ARHGAP15: variants seen among roughly 807,000 people sequenced by gnomAD.
ARHGAP15 encodes Rho GTPase activating protein 15.
ARHGAP15 carries 51 observed loss-of-function variants against 63.7 expected under a neutral mutation model. The ratio of observed to expected loss-of-function variants is 0.80; its 90% confidence interval spans 0.64 to 1.01. The LOEUF (loss-of-function observed/expected upper bound fraction) is 1.01. ARHGAP15 is among the 50% of genes least tolerant of loss of function. The pLI, the probability that ARHGAP15 is intolerant of heterozygous loss-of-function variation, is 0.00. For missense variants in ARHGAP15, 560 were observed against 564.6 expected (o/e 0.99, Z 0.08); for synonymous variants, 191 against 193.8 (o/e 0.99, Z 0.12).
At chr2:143,143,015 T>C (rs1012318292) in intron 1 of ARHGAP15, among the ~76,000 whole-genome samples, 1 of 152,152 alleles carries the variant, frequency 6.6e-6, no homozygotes, top group Non-Finnish European at 1.5e-5. Flanking sequence ...TATATTTCAC[T>C]TTGTGAAGCA....
chr2:143,211,460 ACAAGATTAACAG>A (rs879537979), intron 3 of ARHGAP15, among the ~76,000 whole-genome samples: 2 of 152,106 alleles, frequency 1.3e-5, no homozygotes, highest in Non-Finnish European at 2.9e-5. Flanking sequence ...ATTGAAACAG[ACAAGATTAACAG>A]CAAAGTACTA....
chr2:143,587,177 T>C (rs1697140376), intron 11 of ARHGAP15, among the ~76,000 whole-genome samples: 1 of 152,182 alleles, frequency 6.6e-6, no homozygotes, highest in Non-Finnish European at 1.5e-5. Context: ...AATCAGATTG[T>C]CAGATATTAC....
At chr2:143,144,152 T>C (rs1171053825) in intron 1 of ARHGAP15, among the ~76,000 whole-genome samples, 1 of 152,066 alleles carries the variant, frequency 6.6e-6, no homozygotes. Context: ...CATTTTCTTA[T>C]CCAGTCTATT....
rs1278861506 is a variant in ARHGAP15 at position 143,334,924 on chromosome 2, A to G, written c.474+84324A>G. On this transcript the variant is annotated intron_variant, in intron 6 of 13. Transcript: ENST00000295095. ...AATTGCTTCAGATCTCGACTTTGCT[A>G]TGCACATACTACTGTAAGTAAAAGG... Among the ~76,000 whole-genome samples the G allele has an allele frequency of 8.5e-5, 13 of 152,174 alleles. 1 individual carries two copies.
chr2:143,539,292 A>G (rs1694931440), intron 10 of ARHGAP15, among the ~76,000 whole-genome samples: 1 of 152,088 alleles, frequency 6.6e-6, no homozygotes, highest in South Asian at 2.1e-4. Context: ...TAGTCTTGCT[A>G]GCGGTCTATC....
intron 13 of ARHGAP15, among the ~76,000 whole-genome samples, chr2:143,762,474 C>T (rs566896020): frequency 1.1e-4 from 17 of 152,208 alleles, no homozygotes; most frequent in East Asian, 1.9e-4. Flanking sequence ...TGGAACTAGC[C>T]GGAATGACCA....
rs575298434 is a variant in ARHGAP15 at position 143,134,783 on chromosome 2, T to C, written c.-15+5317T>C. 2.9e-4 allele frequency among the ~76,000 whole-genome samples: 41 copies of C among 141,392 alleles called. No individual in the cohort carries two copies. The South Asian group carries it at 3.2e-3, about 11-fold the overall frequency. 92.8% of individuals were successfully genotyped at this position (141,392 alleles called of 152,430 possible). A position where few individuals can be genotyped will look rare whatever the true frequency, so the allele number is the denominator to read the frequency against. On this transcript the variant is annotated intron_variant, in intron 1 of 13. Transcript: ENST00000295095. ...CTGAGTAGCTGGGACTACAGGTGCC[T>C]GCCACCAAGCCCAGCTAATTTTTTT...
At chr2:143,336,253 G>A (rs1427683102) in intron 6 of ARHGAP15, among the ~76,000 whole-genome samples, 2 of 152,210 alleles carry the variant, frequency 1.3e-5, no homozygotes, top group East Asian at 1.9e-4. Flanking sequence ...CACAAACTTG[G>A]ATGTTTTTCC....
chr2:143,322,675 C>G (rs72993784), intron 6 of ARHGAP15, among the ~76,000 whole-genome samples: 1 of 152,102 alleles, frequency 6.6e-6, no homozygotes, highest in Non-Finnish European at 1.5e-5. Flanking sequence ...TCAGCATTAC[C>G]GTGGATAGAA....
intron 10 of ARHGAP15, among the ~76,000 whole-genome samples, chr2:143,521,344 G>A (rs922654925): frequency 6.6e-6 from 1 of 152,082 alleles, no homozygotes; most frequent in African/African-American, 2.4e-5. Flanking sequence ...GTGTACTTTT[G>A]ATTATAATTT....
At chr2:143,632,349 A>G (rs1341475730) in intron 12 of ARHGAP15, among the ~76,000 whole-genome samples, 1 of 152,040 alleles carries the variant, frequency 6.6e-6, no homozygotes, top group Non-Finnish European at 1.5e-5. Flanking sequence ...TTGTGTTCAT[A>G]TATATATACA....
chr2:143,145,048 T>C (rs946548833), intron 1 of ARHGAP15, among the ~76,000 whole-genome samples: 1 of 152,084 alleles, frequency 6.6e-6, no homozygotes, highest in African/African-American at 2.4e-5. Context: ...TTCAGCTAAG[T>C]CTGCATATTT....
rs994535347 is a variant in ARHGAP15 at position 143,477,626 on chromosome 2, G to A, written c.704-9747G>A. ...TGGCATAGCTTGAATAAGATACAAC[G>A]TTAAGTGACAGAGTTGGAATTCAAA... On this transcript the variant is annotated intron_variant, in intron 8 of 13. Coordinates refer to ENST00000295095, the MANE Select transcript of ARHGAP15 (RefSeq NM_018460.4). Among the ~76,000 whole-genome samples, 10 of 151,462 alleles carry A rather than the reference G, an allele frequency of 6.6e-5. 1 individual carries two copies. Among genetic ancestry groups the A allele is most frequent in the African/African-American group, 2.2e-4 (9 of 41,140 alleles).
chr2:143,250,750 G>A, intron 6 of ARHGAP15, 150 bp downstream of exon 6: 2 of 621,496 alleles, frequency 3.2e-6, no homozygotes, highest in South Asian at 4.4e-5. Flanking sequence ...CTTCCCAGTT[G>A]AATCTTTGGT....
At chr2:143,532,455 A>G (rs1694561956) in intron 10 of ARHGAP15, among the ~76,000 whole-genome samples, 1 of 152,128 alleles carries the variant, frequency 6.6e-6, no homozygotes, top group Admixed American at 6.6e-5. Flanking sequence ...TTCTTTTCCC[A>G]CCAGTAAGGT....
At chr2:143,164,744 T>C (rs1184574683) in intron 2 of ARHGAP15, among the ~76,000 whole-genome samples, 2 of 152,024 alleles carry the variant, frequency 1.3e-5, no homozygotes, top group South Asian at 2.1e-4. Context: ...TATTACTACA[T>C]TGCATGCTTT....
intron 1 of ARHGAP15, among the ~76,000 whole-genome samples, chr2:143,139,969 A>T (rs1231471809): frequency 1.3e-5 from 2 of 152,176 alleles, no homozygotes; most frequent in East Asian, 3.9e-4. Context: ...ATATAAAATG[A>T]TGTATGTAAA....
At chr2:143,280,653 A>G (rs960617692) in intron 6 of ARHGAP15, among the ~76,000 whole-genome samples, 11 of 152,072 alleles carry the variant, frequency 7.2e-5, no homozygotes, top group Non-Finnish European at 1.2e-4. Flanking sequence ...CATTCATCAA[A>G]ATGTATTATC....
At chr2:143,374,742 A>G (rs1315776120) in intron 6 of ARHGAP15, among the ~76,000 whole-genome samples, 1 of 152,080 alleles carries the variant, frequency 6.6e-6, no homozygotes, top group Non-Finnish European at 1.5e-5. Flanking sequence ...GGCTTAAGCA[A>G]TCCTCCTGCC....
Sources: allele counts gnomAD v4.1 joint callset (sites outside exome capture counted in the v4.1 genomes callset), GRCh38; gene constraint gnomAD v4.1.1; transcripts MANE v1.5; gene names NCBI Gene and HGNC (gene_info 2026-07-23, HGNC 2026-07-21).